CREM: variants seen among roughly 807,000 people sequenced by gnomAD.
The protein encoded by CREM is cAMP-responsive element modulator.
A neutral mutation model predicts 37.3 loss-of-function variants in CREM; 13 were observed. The observed-to-expected ratio is 0.35, with a 90% CI of 0.23 to 0.55. The LOEUF is 0.55. CREM is among the 20% of genes least tolerant of loss of function. The pLI is 0.88. For synonymous variants in CREM, 124 were observed against 120.2 expected, an observed-to-expected ratio of 1.03 and a Z score of -0.21; for missense variants, 296 against 362.3, an observed-to-expected ratio of 0.82 and a Z score of 1.49.
Position 35,195,621 on chromosome 10 carries a change from A to G in CREM, c.598+7233A>G, listed in dbSNP as rs78610605. On this transcript the variant is annotated intron_variant, in intron 6 of 7. Coordinates refer to ENST00000685392, the MANE Select transcript of CREM (RefSeq NM_183011.2). ...CAATCTAGCCGCAGATTAAACATACAGTATATACCGTTCATGTTCTGATTT... is the reference window on the plus strand; with the variant it reads ...CAATCTAGCCGCAGATTAAACATACGGTATATACCGTTCATGTTCTGATTT... 5.1e-4 allele frequency among the ~76,000 whole-genome samples: 78 copies of G among 152,302 alleles called. 1 individual carries two copies. In the East Asian group the frequency reaches 0.014, roughly 28 times the overall value.
intron 2 of CREM, among the ~76,000 whole-genome samples, chr10:35,144,775 C>T (rs981484198): frequency 6.7e-6 from 1 of 150,242 alleles, no homozygotes; most frequent in African/African-American, 2.5e-5. Context: ...TTGGATTCTA[C>T]AGTGTGTACC....
At chr10:35,157,781 A>G (rs2093009782) in intron 3 of CREM, among the ~76,000 whole-genome samples, 1 of 152,190 alleles carries the variant, frequency 6.6e-6, no homozygotes, top group Non-Finnish European at 1.5e-5. Flanking sequence ...TTCCCTGTTC[A>G]TAGATGACAT....
chr10:35,184,777 A>T (rs1473180269), intron 5 of CREM, among the ~76,000 whole-genome samples: 2 of 151,702 alleles, frequency 1.3e-5, no homozygotes, highest in Admixed American at 6.6e-5. Flanking sequence ...CTGAAAAGAA[A>T]AAAGGAAACG....
chr10:35,148,244 C>A, intron 2 of CREM, 124 bp from the exon 3 acceptor site: 3 of 949,008 alleles, frequency 3.2e-6, no homozygotes, highest in Non-Finnish European at 3.1e-6. Flanking sequence ...CATGTAAATG[C>A]TCAGAAAGTT....
intron 1 of CREM, among the ~76,000 whole-genome samples, chr10:35,133,851 A>G (rs563184048): frequency 2.6e-5 from 4 of 152,372 alleles, no homozygotes; most frequent in African/African-American, 9.6e-5. Flanking sequence ...GCCTGGGCAC[A>G]CTAGAGAACT....
At chr10:35,160,123 A>G (rs1215904066) in intron 3 of CREM, among the ~76,000 whole-genome samples, 1 of 152,124 alleles carries the variant, frequency 6.6e-6, no homozygotes, top group Admixed American at 6.5e-5. Context: ...CCCACTACAT[A>G]CCTAAGCTGT....
At chr10:35,209,320 G>A (rs2095612520) in intron 7 of CREM, 14 of 985,242 alleles carry the variant, frequency 1.4e-5, no homozygotes, top group Admixed American at 6.1e-5. Context: ...AGCCTTGTCA[G>A]AGTTTCTTCC....
intron 1 of CREM, among the ~76,000 whole-genome samples, chr10:35,128,534 T>C (rs1417406499): frequency 1.3e-5 from 2 of 150,830 alleles, no homozygotes; most frequent in African/African-American, 2.4e-5. Context: ...GTCTTTTTTT[T>C]TTTTTTTTTG....
intron 1 of CREM, among the ~76,000 whole-genome samples, chr10:35,137,282 T>C (rs16915805): frequency 0.15 from 22,971 of 152,212 alleles, 1,962 homozygotes; most frequent in East Asian, 0.24. Context: ...ATAAACTTAT[T>C]TTGTTTGGAG....
intron 5 of CREM, among the ~76,000 whole-genome samples, chr10:35,187,311 G>A (rs1177475836): frequency 3.6e-5 from 5 of 137,438 alleles, no homozygotes; most frequent in Non-Finnish European, 7.6e-5. Flanking sequence ...CCAGGCTGGA[G>A]TGCAGTGCCG....
intron 6 of CREM, chr10:35,195,265 G>A: frequency 6.2e-7 from 1 of 1,604,704 alleles, no homozygotes. Context: ...TTGTTTTGAA[G>A]TTTAGGAAGT....
chr10:35,186,191 G>A (rs2094548152), intron 5 of CREM, among the ~76,000 whole-genome samples: 1 of 152,034 alleles, frequency 6.6e-6, no homozygotes, highest in Admixed American at 6.6e-5. Flanking sequence ...CATAGCCTCT[G>A]GTACCATTTA....
chr10:35,153,367 A>G (rs1337651724), intron 3 of CREM, among the ~76,000 whole-genome samples: 25 of 152,182 alleles, frequency 1.6e-4, no homozygotes, highest in Non-Finnish European at 1.5e-5. Context: ...ATGTCATTTT[A>G]CTCCTACTTA....
intron 3 of CREM, among the ~76,000 whole-genome samples, chr10:35,152,009 T>C (rs888870552): frequency 2.6e-5 from 4 of 152,252 alleles, no homozygotes; most frequent in African/African-American, 9.6e-5. Flanking sequence ...CAAAAGTGAC[T>C]GACTCTTCTG....
rs72793840 is a variant in CREM, at chr10:35,172,848, G to A, written c.169-6041G>A. On this transcript the variant is annotated intron_variant, in intron 3 of 7. Transcript: ENST00000685392. ...AAGAATGACTAATTTCCAAATGATG[G>A]CTATTCAAACTTGAAGACATTTCCT... is the stretch of plus-strand genomic sequence containing the variant. Among the ~76,000 whole-genome samples the A allele has an allele frequency of 7.2e-3, 1,097 of 152,260 alleles. 5 individuals carry two copies. Among genetic ancestry groups the A allele is most frequent in the Non-Finnish European group, 0.013 (893 of 68,022 alleles).
rs149119674 is a variant in CREM, at chr10:35,154,292, A to T, written c.168+5801A>T. ...GGAAGGATGTAGATGGCAATCACAA[A>T]ACAAACAAAAAATGAGCAAACAAAT... On this transcript the variant is annotated intron_variant, in intron 3 of 7. Transcript: ENST00000685392. 1,081 of 384,158 alleles carry T rather than the reference A, an allele frequency of 2.8e-3. 15 individuals are homozygous for T. The highest frequency in any genetic ancestry group is 0.021 in the African/African-American group (1,001 of 48,400). 23.8% of individuals were successfully genotyped at this position (384,158 alleles called of 1,614,324 possible). A position where few individuals can be genotyped will look rare whatever the true frequency, so the allele number is the denominator to read the frequency against.
At chr10:35,135,380 A>G (rs1210515793) in intron 1 of CREM, 1 of 152,126 alleles carries the variant, frequency 6.6e-6, no homozygotes, top group Non-Finnish European at 1.5e-5. Context: ...AAGTGTTTTA[A>G]TTTATTATGT....
intron 3 of CREM, among the ~76,000 whole-genome samples, chr10:35,161,115 G>A (rs1041842059): frequency 1.3e-5 from 2 of 152,058 alleles, no homozygotes; most frequent in Admixed American, 6.5e-5. Context: ...CATATGTACT[G>A]TACATAATTG....
intron 6 of CREM, among the ~76,000 whole-genome samples, chr10:35,204,325 GGCACAGTGGCTCACGCCTGTAATCTCA>G (rs1296683215): frequency 5.3e-5 from 8 of 152,164 alleles, no homozygotes; most frequent in East Asian, 1.9e-4. Context: ...AATTAGGCCA[GGCACAGTGGCTCACGCCTGTAATCTCA>G]GCACTTTGGG....
Sources: allele counts gnomAD v4.1 joint callset (sites outside exome capture counted in the v4.1 genomes callset), GRCh38; gene constraint gnomAD v4.1.1; transcripts MANE v1.5; gene names NCBI Gene and HGNC (gene_info 2026-07-23, HGNC 2026-07-21).